Variants in EYS observed in about 807,000 individuals in gnomAD.
The protein encoded by EYS is EGF-like photoreceptor maintenance factor, also known as protein eyes shut homolog.
A neutral mutation model predicts 282.1 loss-of-function variants in EYS; 250 were observed. The observed-to-expected ratio is 0.89, with a 90% confidence interval of 0.80 to 0.98. The LOEUF is 0.98. EYS is among the 50% of genes least tolerant of loss of function. The probability of loss-of-function intolerance (pLI) is 0.00; values close to 1 mark genes in which losing one functional copy is unlikely to be tolerated. For synonymous variants in EYS, 1,355 were observed against 1,282.9 expected, an observed-to-expected ratio of 1.06 and a Z score of -1.20; for missense variants, 4,016 against 3,709.0, an observed-to-expected ratio of 1.08 and a Z score of -2.15.
In EYS at chr6:63,840,230, T is replaced by TTATTATTAC. The variant is rs1288630026; in HGVS notation, c.7228+23955_7228+23956insGTAATAATA. 1.5e-4 allele frequency among the ~76,000 whole-genome samples: 19 copies of TTATTATTAC among 130,478 alleles called. No individual in the cohort carries two copies. The South Asian group carries it at 5.7e-3, about 39-fold the overall frequency. The allele number at this position is 130,478 out of a possible 152,430, so 85.6% of individuals were successfully genotyped here. A position where few individuals can be genotyped will look rare whatever the true frequency, so the allele number is the denominator to read the frequency against. ...GCCCATCTTATTATTATTATTATTA[T>TTATTATTAC]TATTATTGTATTTTTAGTAGAGACA... is the stretch of plus-strand genomic sequence containing the variant. On this transcript the variant is annotated intron_variant, in intron 36 of 42. Transcript: ENST00000503581.
At chr6:64,544,978 C>G (rs1764807458) in intron 26 of EYS, among the ~76,000 whole-genome samples, 1 of 152,144 alleles carries the variant, frequency 6.6e-6, no homozygotes. Context: ...TGAAACTATT[C>G]CAATCAATAG....
chr6:64,822,827 G>A lies in EYS; in HGVS notation c.2993-5C>T, dbSNP rs1287492434. ...GATTTATTTCACAGTTGATGCCTGT[G>A]TTGGAACAGACAAGGCAAAACATGA... On this transcript the variant is annotated splice_region_variant and splice_polypyrimidine_tract_variant and intron_variant, in intron 19 of 42. Transcript: ENST00000503581. 9.1e-6 allele frequency: 14 copies of A among 1,545,184 alleles called. No homozygotes were observed. The highest frequency in any genetic ancestry group is 1.4e-5 in the African/African-American group (1 of 72,854).
At chr6:64,157,543 A>G (rs1477096204) in intron 31 of EYS, among the ~76,000 whole-genome samples, 2 of 152,104 alleles carry the variant, frequency 1.3e-5, no homozygotes, top group Admixed American at 6.5e-5. Context: ...GGCCAAGGAG[A>G]AACTGGTTTC....
chr6:64,023,787 G>C (rs1043547198), intron 33 of EYS, among the ~76,000 whole-genome samples: 2 of 152,228 alleles, frequency 1.3e-5, no homozygotes, highest in African/African-American at 4.8e-5. Context: ...GGACAGGCGC[G>C]GGTGGGAACT....
intron 33 of EYS, among the ~76,000 whole-genome samples, chr6:64,024,330 G>A (rs1225924610): frequency 6.6e-6 from 1 of 152,112 alleles, no homozygotes; most frequent in Non-Finnish European, 1.5e-5. Flanking sequence ...ACTCTGGTGG[G>A]GACTTGGAGA....
intron 1 of EYS, among the ~76,000 whole-genome samples, chr6:65,704,497 T>C (rs893747515): frequency 6.6e-6 from 1 of 152,248 alleles, no homozygotes; most frequent in Non-Finnish European, 1.5e-5. Context: ...TTACATTTAC[T>C]TGTTCAAAGA....
intron 5 of EYS, among the ~76,000 whole-genome samples, chr6:65,467,631 A>T (rs1437023604): frequency 6.6e-6 from 1 of 152,060 alleles, no homozygotes; most frequent in Non-Finnish European, 1.5e-5. Context: ...AGATTTCATG[A>T]ATTAACAGTA....
chr6:65,497,987 T>G (rs1439448006), intron 2 of EYS, among the ~76,000 whole-genome samples: 1 of 151,942 alleles, frequency 6.6e-6, no homozygotes, highest in Non-Finnish European at 1.5e-5. Context: ...ACTAATGTAG[T>G]GAAACAATAA....
intron 1 of EYS, among the ~76,000 whole-genome samples, chr6:65,651,108 G>C (rs564174771): frequency 2.0e-5 from 3 of 152,036 alleles, no homozygotes; most frequent in African/African-American, 7.2e-5. Flanking sequence ...AAATTATATA[G>C]TGGCAAAAGT....
intron 26 of EYS, among the ~76,000 whole-genome samples, chr6:64,492,178 A>G (rs1040124432): frequency 6.6e-6 from 1 of 151,260 alleles, no homozygotes; most frequent in Non-Finnish European, 1.5e-5. Context: ...TAATTGCTAC[A>G]TCAGAAATGA....
At chr6:64,850,492 A>C (rs1298712689) in intron 19 of EYS, among the ~76,000 whole-genome samples, 1 of 152,088 alleles carries the variant, frequency 6.6e-6, no homozygotes, top group African/African-American at 2.4e-5. Context: ...AATTAGGTGA[A>C]TAGGGAAAGA....
intron 30 of EYS, among the ~76,000 whole-genome samples, chr6:64,299,568 C>T (rs1429372505): frequency 1.3e-5 from 2 of 152,120 alleles, no homozygotes; most frequent in Non-Finnish European, 2.9e-5. Context: ...GTCATTGGTG[C>T]CTGCTTGGGA....
intron 1 of EYS, among the ~76,000 whole-genome samples, chr6:65,701,132 G>C (rs950664301): frequency 6.6e-6 from 1 of 152,056 alleles, no homozygotes; most frequent in Non-Finnish European, 1.5e-5. Flanking sequence ...ATACTTGCCT[G>C]TACTTTTTAA....
At chr6:64,395,327 G>A (rs1193052027) in intron 28 of EYS, among the ~76,000 whole-genome samples, 8 of 152,252 alleles carry the variant, frequency 5.3e-5, no homozygotes, top group African/African-American at 1.7e-4. Context: ...AAAGACGCAT[G>A]CACACGTATG....
At chr6:63,751,144 G>A (rs1329830919) in intron 41 of EYS, among the ~76,000 whole-genome samples, 2 of 151,968 alleles carry the variant, frequency 1.3e-5, no homozygotes, top group African/African-American at 2.4e-5. Context: ...TTCCCAGAGC[G>A]TTGTTCTTTA....
At chr6:64,811,137 T>C (rs940845123) in intron 22 of EYS, among the ~76,000 whole-genome samples, 3 of 152,098 alleles carry the variant, frequency 2.0e-5, no homozygotes, top group Admixed American at 2.0e-4. Context: ...CTTTGGTAAG[T>C]AAACTATCTA....
At chr6:65,671,512 C>T (rs114165991) in intron 1 of EYS, among the ~76,000 whole-genome samples, 3,552 of 152,100 alleles carry the variant, frequency 0.023, 104 homozygotes, top group African/African-American at 0.069. Flanking sequence ...AAAAAAAATT[C>T]TGACAGGCTT....
intron 26 of EYS, among the ~76,000 whole-genome samples, chr6:64,566,544 G>T (rs942680137): frequency 6.6e-6 from 1 of 152,110 alleles, no homozygotes; most frequent in South Asian, 2.1e-4. Context: ...CTACAACAGT[G>T]CAGGGGATAT....
At chr6:64,724,263 T>C (rs1307591278) in intron 22 of EYS, among the ~76,000 whole-genome samples, 1 of 152,140 alleles carries the variant, frequency 6.6e-6, no homozygotes, top group Non-Finnish European at 1.5e-5. Flanking sequence ...GTTATATTTC[T>C]TTTGCCTGCC....
Sources: allele counts gnomAD v4.1 joint callset (sites outside exome capture counted in the v4.1 genomes callset), GRCh38; gene constraint gnomAD v4.1.1; transcripts MANE v1.5; gene names NCBI Gene and HGNC (gene_info 2026-07-23, HGNC 2026-07-21).